The following ANKRD28 variants were observed in gnomAD, a reference collection of about 807,000 sequenced individuals.
ANKRD28 encodes the protein ankyrin repeat domain 28.
A neutral mutation model predicts 126.5 loss-of-function variants in ANKRD28; 44 were observed. The ratio of observed to expected loss-of-function variants is 0.35; its 90% confidence interval spans 0.27 to 0.45. ANKRD28 has a LOEUF of 0.45. ANKRD28 is among the 20% of genes least tolerant of loss of function. The pLI is 1.00. For synonymous variants in ANKRD28, 442 were observed against 468.5 expected, an observed-to-expected ratio of 0.94 and a Z score of 0.73; for missense variants, 1,110 against 1,316.6, an observed-to-expected ratio of 0.84 and a Z score of 2.43.
intron 2 of ANKRD28, among the ~76,000 whole-genome samples, chr3:15,783,533 AAAG>A (rs1469678679): frequency 2.0e-5 from 3 of 151,992 alleles, no homozygotes; most frequent in Non-Finnish European, 4.4e-5. Context: ...AGAGAAAAAA[AAAG>A]CACACATTCA....
chr3:15,762,104 T>C (rs1337701483), intron 3 of ANKRD28, among the ~76,000 whole-genome samples: 2 of 148,090 alleles, frequency 1.4e-5, no homozygotes, highest in Non-Finnish European at 3.0e-5. Context: ...GAGAATCATT[T>C]GAACCTGGTA....
At position 15,669,951 on chromosome 3, in the gene ANKRD28, A is replaced by G. The variant is rs1228386198; in HGVS notation, c.*319T>C. 1 of 233,658 alleles carries G rather than the reference A, an allele frequency of 4.3e-6. No individual in the cohort carries two copies. Among genetic ancestry groups the G allele is most frequent in the Non-Finnish European group, 8.4e-6 (1 of 119,510 alleles). The allele number at this position is 233,658 out of a possible 1,614,324, so 14.5% of individuals were successfully genotyped here. On this transcript the variant is annotated 3_prime_UTR_variant, in exon 28 of 28. Coordinates refer to ENST00000683139, the MANE Select transcript of ANKRD28 (RefSeq NM_001349278.2). The stretch of plus-strand genomic sequence containing the variant: ...GTGTCTTTATTTCTTCTGTTACAAT[A>G]GTGTTGCTTGTGTAAGCAGGTTAGA...
chr3:15,784,601 G>GGAACAAAA (rs1575668836), intron 2 of ANKRD28, among the ~76,000 whole-genome samples: 1 of 151,396 alleles, frequency 6.6e-6, no homozygotes, highest in Non-Finnish European at 1.5e-5. Flanking sequence ...AAGAATGGAC[G>GGAACAAAA]ACCAATGGTA....
chr3:15,719,259 C>A (rs1172787614), intron 8 of ANKRD28, among the ~76,000 whole-genome samples: 1 of 152,100 alleles, frequency 6.6e-6, no homozygotes. Context: ...TGACCCGTGG[C>A]ATCATTAAAG....
At chr3:15,735,099 A>G (rs1241199753) in intron 6 of ANKRD28, among the ~76,000 whole-genome samples, 2 of 152,180 alleles carry the variant, frequency 1.3e-5, no homozygotes, top group African/African-American at 4.8e-5. Context: ...ATATTCTCAT[A>G]CAAACAAAAA....
chr3:15,810,623 CT>C (rs1030448704), intron 1 of ANKRD28, among the ~76,000 whole-genome samples: 4 of 151,218 alleles, frequency 2.6e-5, no homozygotes, highest in South Asian at 2.1e-4. Context: ...AAATAGAAGA[CT>C]TTTTTTCTTT....
intron 2 of ANKRD28, among the ~76,000 whole-genome samples, chr3:15,793,414 A>G (rs1029745163): frequency 2.0e-5 from 3 of 152,244 alleles, no homozygotes; most frequent in Non-Finnish European, 4.4e-5. Flanking sequence ...CAATTGTCAA[A>G]GAGTTACTCT....
chr3:15,707,070 C>A (rs899213232), intron 14 of ANKRD28, among the ~76,000 whole-genome samples: 6 of 151,954 alleles, frequency 3.9e-5, no homozygotes, highest in African/African-American at 1.5e-4. Flanking sequence ...ATTTTGAGGG[C>A]GAAAAGTAAA....
intron 23 of ANKRD28, 21 bp downstream of exon 23, chr3:15,679,280 A>C (rs1467216498): frequency 1.7e-5 from 28 of 1,610,318 alleles, no homozygotes; most frequent in Non-Finnish European, 2.2e-5. Context: ...AAAACTATTT[A>C]ATACATAGTT....
intron 1 of ANKRD28, among the ~76,000 whole-genome samples, chr3:15,825,956 G>A (rs2061055799): frequency 1.3e-5 from 2 of 152,130 alleles, no homozygotes; most frequent in Admixed American, 1.3e-4. Flanking sequence ...GCAAGTTTGA[G>A]AGTAAAGAAT....
intron 8 of ANKRD28, among the ~76,000 whole-genome samples, chr3:15,716,136 C>T (rs931116201): frequency 2.6e-5 from 4 of 151,658 alleles, no homozygotes; most frequent in Non-Finnish European, 4.4e-5. Flanking sequence ...GCATGCACCA[C>T]CATGCCCAGC....
intron 14 of ANKRD28, among the ~76,000 whole-genome samples, chr3:15,700,791 G>C (rs1575236698): frequency 6.6e-6 from 1 of 151,934 alleles, no homozygotes. Flanking sequence ...CAGTATATAG[G>C]CCATAATTTA....
At chr3:15,670,584 T>C (rs1559300526) in intron 27 of ANKRD28, 28 bp from the exon 28 acceptor site, 1 of 1,595,764 alleles carries the variant, frequency 6.3e-7, no homozygotes, top group Non-Finnish European at 8.6e-7. Flanking sequence ...ATTTAAAAAT[T>C]AAGCATCCTG....
chr3:15,701,744 G>T (rs979416624), intron 14 of ANKRD28, among the ~76,000 whole-genome samples: 1 of 152,114 alleles, frequency 6.6e-6, no homozygotes. Context: ...AAGGTAATAA[G>T]ACTGGTGTTT....
rs560378187 is a variant in ANKRD28 at position 15,804,430 on chromosome 3, T to C, written c.28-9124A>G. Among the ~76,000 whole-genome samples the C allele has an allele frequency of 3.4e-5, 5 of 145,846 alleles. 1 individual carries two copies. The East Asian group carries it at 1.2e-3, about 35-fold the overall frequency. On this transcript the variant is annotated intron_variant, in intron 1 of 27. Transcript: ENST00000399451. Reference sequence around the variant, plus strand: ...ATTATTTTGCTCCTCCTTTAATTTATAGGAAGGGTGCTTTGTCAAAGAAAT... The same window carrying C: ...ATTATTTTGCTCCTCCTTTAATTTACAGGAAGGGTGCTTTGTCAAAGAAAT...
rs1426078863 is a variant in ANKRD28, at chr3:15,777,887, CA to C, written c.202-11576del. ...ACACACACACACACACACACACACA[CA>C]CACACACACACACACCCTCTCCGCC... On this transcript the variant is annotated intron_variant, in intron 2 of 27. Coordinates refer to ENST00000683139, the MANE Select transcript of ANKRD28 (RefSeq NM_001349278.2). Among the ~76,000 whole-genome samples, 5 of 151,574 alleles carry C rather than the reference CA, an allele frequency of 3.3e-5. No homozygotes were observed. In the East Asian group the frequency reaches 7.7e-4, roughly 23 times the overall value.
intron 17 of ANKRD28, among the ~76,000 whole-genome samples, chr3:15,694,370 T>G (rs2069225195): frequency 6.6e-6 from 1 of 152,148 alleles, no homozygotes; most frequent in South Asian, 2.1e-4. Flanking sequence ...CCACAGAATG[T>G]GTGTGTATAC....
At chr3:15,850,255 A>AGAGAGG (rs2061622643) in intron 1 of ANKRD28, among the ~76,000 whole-genome samples, 1 of 142,016 alleles carries the variant, frequency 7.0e-6, no homozygotes. Flanking sequence ...AGAGAGAGAG[A>AGAGAGG]GAGAGAGAAA....
At position 15,797,312 on chromosome 3, in the gene ANKRD28, G is replaced by C. The variant is rs886258188; in HGVS notation, c.-791C>G. On this transcript the variant is annotated 5_prime_UTR_variant, in exon 1 of 28. Transcript: ENST00000683139. The stretch of plus-strand genomic sequence containing the variant: ...ATACGACTCTTGGTACTAGAATACA[G>C]CTTGATTAATCCAGGTTTCCCATAT... The C allele has an allele frequency of 2.0e-6, 2 of 985,042 alleles. No homozygotes were observed. Among genetic ancestry groups the C allele is most frequent in the Non-Finnish European group, 1.2e-6 (1 of 829,888 alleles). 61.0% of individuals were successfully genotyped at this position (985,042 alleles called of 1,614,324 possible).
Sources: gnomAD v4.1 joint callset for allele counts (sites outside exome capture counted in the v4.1 genomes callset) on GRCh38, gnomAD v4.1.1 for gene constraint, MANE v1.5 for transcripts, NCBI Gene and HGNC (gene_info 2026-07-23, HGNC 2026-07-21) for gene names.